The following CAMKK2 variants were observed in gnomAD, a reference collection of about 807,000 sequenced individuals.
CAMKK2 encodes the protein calcium/calmodulin-dependent protein kinase kinase 2.
A neutral mutation model predicts 67.2 loss-of-function variants in CAMKK2; 30 were observed. The ratio of observed to expected loss-of-function variants is 0.45; its 90% CI spans 0.33 to 0.61. The LOEUF (loss-of-function observed/expected upper bound fraction) is 0.61, where lower values mean the gene tolerates loss of function less well. CAMKK2 is among the 20% of genes least tolerant of loss of function. The pLI, the probability that CAMKK2 is intolerant of heterozygous loss-of-function variation, is 0.02. For synonymous variants in CAMKK2, 322 were observed against 326.2 expected (o/e 0.99, Z 0.14); for missense variants, 643 against 802.0 (o/e 0.80, Z 2.39).
At chr12:121,280,507 G>C (rs892333795) in intron 1 of CAMKK2, among the ~76,000 whole-genome samples, 2 of 152,224 alleles carry the variant, frequency 1.3e-5, no homozygotes, top group African/African-American at 4.8e-5. Context: ...GAATAAGAGA[G>C]ATAACCTTAA....
At chr12:121,252,951 G>C (rs1891083589) in intron 10 of CAMKK2, among the ~76,000 whole-genome samples, 1 of 152,210 alleles carries the variant, frequency 6.6e-6, no homozygotes, top group African/African-American at 2.4e-5. Flanking sequence ...GGGCCAATCA[G>C]AGCCAACCCC....
chr12:121,242,978 G>A (rs1225246923), intron 16 of CAMKK2, among the ~76,000 whole-genome samples: 1 of 151,552 alleles, frequency 6.6e-6, no homozygotes, highest in African/African-American at 2.4e-5. Context: ...TCCTGACCTC[G>A]TCATTCGCCT....
At chr12:121,275,389 C>G (rs1273400718) in intron 1 of CAMKK2, among the ~76,000 whole-genome samples, 1 of 148,606 alleles carries the variant, frequency 6.7e-6, no homozygotes, top group African/African-American at 2.5e-5. Context: ...GAGGCTGAGG[C>G]AGGAGAATCG....
At chr12:121,273,554 T>C (rs988515373) in intron 2 of CAMKK2, among the ~76,000 whole-genome samples, 1 of 151,732 alleles carries the variant, frequency 6.6e-6, no homozygotes, top group Non-Finnish European at 1.5e-5. Context: ...GCCAGGCGGG[T>C]CGTCGCCAGG....
chr12:121,271,007 C>T (rs1033279349), intron 2 of CAMKK2, 62 bp from the exon 3 acceptor site: 8 of 1,362,462 alleles, frequency 5.9e-6, no homozygotes, highest in African/African-American at 4.3e-5. Context: ...AGGCCAGGCA[C>T]GGTGGCTCAC....
chr12:121,244,227 CG>C (rs1272024397), intron 16 of CAMKK2: 21 of 1,317,692 alleles, frequency 1.6e-5, no homozygotes, highest in East Asian at 2.4e-5. Context: ...CATGCGGACT[CG>C]GGGGGGCACC....
intron 1 of CAMKK2, among the ~76,000 whole-genome samples, chr12:121,286,144 T>A (rs1898698212): frequency 6.6e-6 from 1 of 152,194 alleles, no homozygotes; most frequent in African/African-American, 2.4e-5. Flanking sequence ...TTTTCCATCA[T>A]TTACAGTCAA....
At position 121,245,322 on chromosome 12, in the gene CAMKK2, T is replaced by A; in HGVS notation, c.1453-82A>T. 1.2e-6 allele frequency: 1 copy of A among 861,832 alleles called. No individual in the cohort carries two copies. Among genetic ancestry groups the A allele is most frequent in the Non-Finnish European group, 1.9e-6 (1 of 521,648 alleles). The allele number at this position is 861,832 out of a possible 1,614,324, so 53.4% of individuals were successfully genotyped here. ...TCTGGGCAACATCCTCCCTCTTCCT[T>A]CTCCCCAGCCCCTGCCAGCTCCCAG... On this transcript the variant is annotated intron_variant, in intron 14 of 16. Coordinates refer to ENST00000404169, the MANE Select transcript of CAMKK2 (RefSeq NM_001270485.2). This position sits in a 1 kb window ranked among gnomAD's most constrained non-coding sequence, Gnocchi z 5.8.
intron 16 of CAMKK2, 47 bp downstream of exon 16, chr12:121,244,526 C>T (rs747497062): frequency 7.8e-6 from 12 of 1,536,376 alleles, no homozygotes; most frequent in African/African-American, 6.9e-5. Context: ...CCCACCCGCC[C>T]CCCTCAGGCC....
rs1895538235 is a variant in CAMKK2 at position 121,270,463 on chromosome 12, G to C, written c.519+435C>G. On this transcript the variant is annotated intron_variant, in intron 3 of 16. Coordinates refer to ENST00000404169, the MANE Select transcript of CAMKK2 (RefSeq NM_001270485.2). Reference sequence around the variant, plus strand: ...CCTCATTTCCATATGTTAATGGTTTGCCACTGTCCTTACCACTCCCTACTA... The same window carrying C: ...CCTCATTTCCATATGTTAATGGTTTCCCACTGTCCTTACCACTCCCTACTA... Among the ~76,000 whole-genome samples, 3 of 151,496 alleles carry C rather than the reference G, an allele frequency of 2.0e-5. No individual in the cohort carries two copies. The South Asian group carries it at 6.3e-4, about 32-fold the overall frequency.
intron 1 of CAMKK2, among the ~76,000 whole-genome samples, chr12:121,282,037 C>T (rs1897897119): frequency 6.6e-6 from 1 of 152,116 alleles, no homozygotes; most frequent in Non-Finnish European, 1.5e-5. Flanking sequence ...GAGGGGACCA[C>T]TTTAGATTTG....
intron 13 of CAMKK2, 42 bp from the exon 14 acceptor site, chr12:121,248,776 G>C: frequency 3.7e-6 from 6 of 1,611,206 alleles, no homozygotes; most frequent in Non-Finnish European, 5.1e-6. Flanking sequence ...GGTGTGGCTG[G>C]CTACCGGGGG....
chr12:121,244,693 G>T, intron 15 of CAMKK2, 78 bp from the exon 16 acceptor site: 1 of 1,198,006 alleles, frequency 8.3e-7, no homozygotes, highest in Non-Finnish European at 1.2e-6. Flanking sequence ...CCCCCACCCT[G>T]AGACACTCAG....
chr12:121,291,823 C>A (rs1383567560), intron 1 of CAMKK2, among the ~76,000 whole-genome samples: 2 of 151,798 alleles, frequency 1.3e-5, no homozygotes, highest in Non-Finnish European at 2.9e-5. Context: ...TTTGGGAGGC[C>A]GAGGCGGGCA....
In CAMKK2 at chr12:121,245,444, G is replaced by C. The variant is rs560714864; in HGVS notation, c.1453-204C>G. On this transcript the variant is annotated intron_variant, in intron 14 of 16. Coordinates refer to ENST00000404169, the MANE Select transcript of CAMKK2 (RefSeq NM_001270485.2). The surrounding 1 kb of genome is among the most constrained non-coding windows in gnomAD (Gnocchi z 5.8). ...ATCCTCTGGGAAAAGGTGCTGTCCT[G>C]CACCACACCCTCAGCCACTGCTCAG... Among the ~76,000 whole-genome samples the C allele has an allele frequency of 3.3e-5, 5 of 152,250 alleles. No individual in the cohort carries two copies. In the South Asian group the frequency reaches 1.0e-3, roughly 32 times the overall value.
At chr12:121,258,811 A>G (rs189309221) in intron 7 of CAMKK2, among the ~76,000 whole-genome samples, 23 of 148,234 alleles carry the variant, frequency 1.6e-4, no homozygotes, top group Middle Eastern at 3.6e-3. Flanking sequence ...AAACCCCCCA[A>G]TGGCTTCCAT....
Position 121,292,151 on chromosome 12 carries a change from A to C in CAMKK2, c.-60+4487T>G, listed in dbSNP as rs1049787947. ...CAATTTTTTTTTTCTTTTGAGAAGG[A>C]GTCTTGCTTTGTCGCCCAGGCAGGA... On this transcript the variant is annotated intron_variant, in intron 1 of 16. Transcript: ENST00000404169. Among the ~76,000 whole-genome samples the C allele has an allele frequency of 7.3e-5, 11 of 151,588 alleles. No individual in the cohort carries two copies. In the East Asian group the frequency reaches 9.7e-4, roughly 13 times the overall value.
chr12:121,253,887 G>A lies in CAMKK2; in HGVS notation c.908-415C>T, dbSNP rs559772735. 4.6e-5 allele frequency among the ~76,000 whole-genome samples: 7 copies of A among 152,256 alleles called. No homozygotes were observed. The East Asian group carries it at 7.7e-4, about 17-fold the overall frequency. ...CAATACTCAACTGATTTACCAAACC[G>A]ACAATGACCTGAGCAGGCCGATTTG... On this transcript the variant is annotated intron_variant, in intron 9 of 16. Transcript: ENST00000404169. This position sits in a 1 kb window ranked among gnomAD's most constrained non-coding sequence, Gnocchi z 5.0.
Position 121,257,384 on chromosome 12 carries a change from C to T in CAMKK2, c.797-1580G>A, listed in dbSNP as rs1031161991. Among the ~76,000 whole-genome samples, 10 of 151,846 alleles carry T rather than the reference C, an allele frequency of 6.6e-5. 1 individual carries two copies. Among genetic ancestry groups the T allele is most frequent in the Non-Finnish European group, 1.0e-4 (7 of 67,976 alleles). ...GCCTCAGCCTCCCGAGTAGCTGGGA[C>T]TACAGGCACCTGCCACCACACCCGG... On this transcript the variant is annotated intron_variant, in intron 7 of 16. Coordinates refer to ENST00000404169, the MANE Select transcript of CAMKK2 (RefSeq NM_001270485.2).
Sources: allele counts gnomAD v4.1 joint callset (sites outside exome capture counted in the v4.1 genomes callset), GRCh38; gene constraint gnomAD v4.1.1; non-coding constraint Gnocchi (gnomAD v3.1); transcripts MANE v1.5; gene names NCBI Gene and HGNC (gene_info 2026-07-23, HGNC 2026-07-21).